The following SLC9B1 variants were observed in gnomAD, a reference collection of about 807,000 sequenced individuals.
The protein encoded by SLC9B1 is solute carrier family 9 member B1.
Under a neutral mutation model 51.7 loss-of-function variants are expected in SLC9B1, and 32 were observed. That is an observed-to-expected ratio of 0.62 (90% CI 0.47 to 0.83). The LOEUF (loss-of-function observed/expected upper bound fraction) is 0.83, where lower values mean the gene tolerates loss of function less well. Ranked by LOEUF, SLC9B1 falls within the 40% of genes least tolerant of loss-of-function variation. The pLI, the probability that SLC9B1 is intolerant of heterozygous loss-of-function variation, is 0.00. For missense variants in SLC9B1, 406 were observed against 613.2 expected, an observed-to-expected ratio of 0.66 and a Z score of 3.57; for synonymous variants, 145 against 212.7, an observed-to-expected ratio of 0.68 and a Z score of 2.77.
At chr4:102,904,357 G>C (rs1420943422) in intron 11 of SLC9B1, among the ~76,000 whole-genome samples, 1 of 151,824 alleles carries the variant, frequency 6.6e-6, no homozygotes, top group South Asian at 2.1e-4. Flanking sequence ...ACCATGCCTG[G>C]CCTGTGTCTC....
At chr4:102,897,875 T>C (rs1030947262), downstream of SLC9B1, 3 of 367,876 alleles carry the variant, frequency 8.2e-6, no homozygotes, top group African/African-American at 6.4e-5. Context: ...ACAGTATAAA[T>C]ATGCTATGGA....
intron 11 of SLC9B1, among the ~76,000 whole-genome samples, chr4:102,893,289 AAAAAAAAAAAAAAAAAG>A: frequency 6.7e-6 from 1 of 148,260 alleles, no homozygotes; most frequent in African/African-American, 2.5e-5. Context: ...CTCAAAAAAA[AAAAAAAAAAAAAAAAAG>A]AAAAAGAAAA....
intron 7 of SLC9B1, among the ~76,000 whole-genome samples, chr4:102,925,708 A>AAAAAAG (rs1184637662): frequency 6.6e-6 from 1 of 151,604 alleles, no homozygotes; most frequent in African/African-American, 2.4e-5. Context: ...CCAAAAAAAA[A>AAAAAAG]AAGAAAGAAA....
At chr4:102,978,405 C>T (rs998118593) in intron 3 of SLC9B1, among the ~76,000 whole-genome samples, 1 of 152,080 alleles carries the variant, frequency 6.6e-6, no homozygotes, top group Non-Finnish European at 1.5e-5. Flanking sequence ...AAAATTTTTG[C>T]AATCTACTCA....
At chr4:103,000,965 C>T (rs1467386761) in intron 1 of SLC9B1, among the ~76,000 whole-genome samples, 3 of 152,234 alleles carry the variant, frequency 2.0e-5, no homozygotes, top group Non-Finnish European at 4.4e-5. Flanking sequence ...CTTCTTGAGG[C>T]TCCACCCCTG....
intron 11 of SLC9B1, among the ~76,000 whole-genome samples, chr4:102,893,293 AAAAAAAAAAAAAG>A (rs1274236787): frequency 1.3e-5 from 2 of 149,768 alleles, no homozygotes; most frequent in East Asian, 3.9e-4. Context: ...AAAAAAAAAA[AAAAAAAAAAAAAG>A]AAAAAGAAAA....
chr4:102,955,985 T>A (rs991630032), intron 3 of SLC9B1, among the ~76,000 whole-genome samples: 10 of 152,214 alleles, frequency 6.6e-5, no homozygotes, highest in Non-Finnish European at 1.0e-4. Flanking sequence ...TCACGGTGCC[T>A]AAACTGTTTA....
chr4:102,951,500 A>G (rs111478697), intron 3 of SLC9B1, among the ~76,000 whole-genome samples: 2 of 152,070 alleles, frequency 1.3e-5, no homozygotes, highest in Admixed American at 1.3e-4. Flanking sequence ...ATTTTTAAAA[A>G]TTGGAGACAT....
intron 11 of SLC9B1, among the ~76,000 whole-genome samples, chr4:102,894,341 G>C (rs553387064): frequency 6.6e-6 from 1 of 152,158 alleles, no homozygotes; most frequent in African/African-American, 2.4e-5. Flanking sequence ...AGATTATCTT[G>C]GAGGATCCAT....
intron 7 of SLC9B1, among the ~76,000 whole-genome samples, chr4:102,915,843 G>A (rs1735551628): frequency 6.6e-6 from 1 of 152,104 alleles, no homozygotes; most frequent in African/African-American, 2.4e-5. Flanking sequence ...TGTGATTAAA[G>A]TTAAGTTGTT....
chr4:102,949,335 A>C lies in SLC9B1; in HGVS notation c.304T>G (p.Phe102Val). The change falls in exon 4 of 12, where the codon TTT becomes GTT. Residue 102 changes from phenylalanine to valine, a missense_variant. Coordinates refer to ENST00000296422, the MANE Select transcript of SLC9B1 (RefSeq NM_139173.4). The part of the protein sequence containing the change: ...GGNLFGLFII[F>V]YSAIIGGKIL... ...TTTCCCCCAATAATGGCACTATAAA[A>C]AATAATGAACAACCCAAATAAATTT... 6.2e-7 allele frequency: 1 copy of C among 1,611,100 alleles called. No individual in the cohort carries two copies. The highest frequency in any genetic ancestry group is 8.5e-7 in the Non-Finnish European group (1 of 1,179,450).
At chr4:102,984,264 C>T (rs547848326) in intron 3 of SLC9B1, among the ~76,000 whole-genome samples, 4 of 152,096 alleles carry the variant, frequency 2.6e-5, no homozygotes, top group South Asian at 2.1e-4. Context: ...TACAGGCATG[C>T]GTCACCACAC....
chr4:103,019,651 T>G lies in SLC9B1; in HGVS notation c.-54A>C. The G allele has an allele frequency of 6.1e-6, 6 of 985,444 alleles. No individual in the cohort carries two copies. Among genetic ancestry groups the G allele is most frequent in the Non-Finnish European group, 7.2e-6 (6 of 829,944 alleles). 61.0% of individuals were successfully genotyped at this position (985,444 alleles called of 1,614,324 possible). A position where few individuals can be genotyped will look rare whatever the true frequency, so the allele number is the denominator to read the frequency against. ...GCCCGGGAGCGGCCCAGGAGCCCAGTGACCGTTGCGTAAGCCACGCGCCAC... is the reference window on the plus strand; with the variant it reads ...GCCCGGGAGCGGCCCAGGAGCCCAGGGACCGTTGCGTAAGCCACGCGCCAC... On this transcript the variant is annotated 5_prime_UTR_variant, in exon 1 of 12. Transcript: ENST00000296422.
intron 7 of SLC9B1, among the ~76,000 whole-genome samples, chr4:102,930,528 C>T (rs1323901547): frequency 6.6e-6 from 1 of 152,170 alleles, no homozygotes; most frequent in African/African-American, 2.4e-5. Context: ...CTTCAGCCTC[C>T]TGAGTAGCTG....
At chr4:103,006,006 A>T (rs1251447430) in intron 1 of SLC9B1, among the ~76,000 whole-genome samples, 1 of 152,120 alleles carries the variant, frequency 6.6e-6, no homozygotes, top group African/African-American at 2.4e-5. Context: ...AAAGATCTCA[A>T]ATTAACAACC....
intron 7 of SLC9B1, among the ~76,000 whole-genome samples, chr4:102,912,347 T>A (rs1735380224): frequency 6.6e-6 from 1 of 151,808 alleles, no homozygotes; most frequent in Non-Finnish European, 1.5e-5. Context: ...CATTCAAGGG[T>A]CAATTAAGAT....
chr4:102,970,131 C>G (rs1019377139), intron 3 of SLC9B1, among the ~76,000 whole-genome samples: 1 of 149,700 alleles, frequency 6.7e-6, no homozygotes, highest in African/African-American at 2.5e-5. Flanking sequence ...TCAGGAAATA[C>G]AGAAAACATC....
intron 7 of SLC9B1, among the ~76,000 whole-genome samples, chr4:102,920,297 C>A (rs1578346599): frequency 6.6e-6 from 1 of 152,324 alleles, no homozygotes; most frequent in South Asian, 2.1e-4. Flanking sequence ...CAAACTCCAA[C>A]AGACTTGCAG....
intron 1 of SLC9B1, among the ~76,000 whole-genome samples, chr4:102,993,411 G>A (rs1740051725): frequency 6.6e-6 from 1 of 152,178 alleles, no homozygotes; most frequent in Non-Finnish European, 1.5e-5. Context: ...GCACATCCAG[G>A]TCACGCTGAT....
Sources: gnomAD v4.1 joint callset for allele counts (sites outside exome capture counted in the v4.1 genomes callset) on GRCh38, gnomAD v4.1.1 for gene constraint, MANE v1.5 for transcripts, NCBI Gene and HGNC (gene_info 2026-07-23, HGNC 2026-07-21) for gene names.